Variants in THRB observed in about 807,000 individuals in gnomAD.
THRB encodes the protein nuclear receptor subfamily 1 group A member 2.
Under a neutral mutation model 47.8 loss-of-function variants are expected in THRB, and 12 were observed. The ratio of observed to expected loss-of-function variants is 0.25; its 90% confidence interval spans 0.16 to 0.41. THRB has a LOEUF of 0.41. Ranked by LOEUF, THRB falls within the 10% of genes least tolerant of loss-of-function variation. THRB has a pLI of 1.00. For missense variants in THRB, 348 were observed against 589.2 expected, an observed-to-expected ratio of 0.59 and a Z score of 4.24; for synonymous variants, 218 against 212.2, an observed-to-expected ratio of 1.03 and a Z score of -0.24.
At chr3:24,476,975 G>C (rs1043294984) in intron 1 of THRB, among the ~76,000 whole-genome samples, 2 of 149,624 alleles carry the variant, frequency 1.3e-5, no homozygotes, top group African/African-American at 2.5e-5. Context: ...TATAAAAAGA[G>C]ACATTGGGTA....
chr3:24,126,530 G>A (rs964116560), intron 10 of THRB, among the ~76,000 whole-genome samples: 3 of 152,174 alleles, frequency 2.0e-5, no homozygotes, highest in African/African-American at 7.2e-5. Context: ...ACTGGCCTAG[G>A]TGCTGGATGT....
At chr3:24,492,268 G>A (rs764587079) in intron 1 of THRB, among the ~76,000 whole-genome samples, 4 of 152,174 alleles carry the variant, frequency 2.6e-5, no homozygotes, top group Non-Finnish European at 5.9e-5. Flanking sequence ...TCATGGATTC[G>A]ATATTCTAGG....
chr3:24,315,328 A>G (rs1484646856), intron 2 of THRB, among the ~76,000 whole-genome samples: 1 of 152,162 alleles, frequency 6.6e-6, no homozygotes, highest in African/African-American at 2.4e-5. Flanking sequence ...CTCTACTTCC[A>G]AGTCAGATAG....
At chr3:24,241,883 C>G (rs950394352) in intron 3 of THRB, among the ~76,000 whole-genome samples, 1 of 152,114 alleles carries the variant, frequency 6.6e-6, no homozygotes, top group Admixed American at 6.5e-5. Context: ...AGTGTGAGAA[C>G]TACTGCTTTA....
chr3:24,299,567 T>C (rs2056752493), intron 2 of THRB, among the ~76,000 whole-genome samples: 2 of 152,024 alleles, frequency 1.3e-5, no homozygotes, highest in African/African-American at 4.8e-5. Flanking sequence ...ATCTGATCTC[T>C]GTTTTTCACA....
chr3:24,302,507 C>A (rs943101360), intron 2 of THRB, among the ~76,000 whole-genome samples: 2 of 152,216 alleles, frequency 1.3e-5, no homozygotes, highest in Non-Finnish European at 2.9e-5. Context: ...AACCGTGTCT[C>A]AAGGCCTTTG....
intron 3 of THRB, among the ~76,000 whole-genome samples, chr3:24,287,811 A>G (rs976715853): frequency 1.6e-4 from 24 of 152,200 alleles, no homozygotes; most frequent in Non-Finnish European, 3.1e-4. Flanking sequence ...GATCCAGTTC[A>G]CTTTCTATTG....
At chr3:24,406,990 A>T (rs1166383546) in intron 1 of THRB, among the ~76,000 whole-genome samples, 1 of 151,918 alleles carries the variant, frequency 6.6e-6, no homozygotes, top group Non-Finnish European at 1.5e-5. Context: ...AAGACCAATT[A>T]TGGAGCTTAA....
At chr3:24,329,810 T>G (rs1413923600) in intron 2 of THRB, among the ~76,000 whole-genome samples, 2 of 152,252 alleles carry the variant, frequency 1.3e-5, no homozygotes, top group Non-Finnish European at 2.9e-5. Context: ...CCAGTGATTC[T>G]CAAAGTGTAG....
chr3:24,447,295 T>G (rs1025453079), intron 1 of THRB, among the ~76,000 whole-genome samples: 8 of 152,162 alleles, frequency 5.3e-5, no homozygotes, highest in Non-Finnish European at 1.5e-5. Flanking sequence ...TAAGTATGAT[T>G]GAATATTTTG....
chr3:24,249,519 G>T (rs1215250603), intron 3 of THRB, among the ~76,000 whole-genome samples: 1 of 152,120 alleles, frequency 6.6e-6, no homozygotes, highest in Non-Finnish European at 1.5e-5. Context: ...TTTGGGACTG[G>T]ATCACTCTGG....
intron 1 of THRB, among the ~76,000 whole-genome samples, chr3:24,462,343 T>C (rs547535898): frequency 1.3e-5 from 2 of 152,352 alleles, no homozygotes; most frequent in African/African-American, 4.8e-5. Context: ...GATCTCTATG[T>C]ATCTCTCCAG....
intron 1 of THRB, among the ~76,000 whole-genome samples, chr3:24,428,281 T>C (rs1373000000): frequency 2.0e-5 from 3 of 152,004 alleles, no homozygotes; most frequent in South Asian, 2.1e-4. Flanking sequence ...GCACTGAACA[T>C]TGACACATTG....
At chr3:24,229,130 G>C in intron 3 of THRB, 129 bp from the exon 4 acceptor site, 1 of 642,762 alleles carries the variant, frequency 1.6e-6, no homozygotes, top group Non-Finnish European at 2.8e-6. Context: ...TCAGAACTGG[G>C]GACACCGAAG....
intron 2 of THRB, among the ~76,000 whole-genome samples, chr3:24,315,200 A>C (rs868092879): frequency 6.6e-6 from 1 of 152,064 alleles, no homozygotes; most frequent in African/African-American, 2.4e-5. Flanking sequence ...ATTGCAACAC[A>C]ATCTCCTTCA....
At chr3:24,262,731 A>T (rs548912327) in intron 3 of THRB, among the ~76,000 whole-genome samples, 4 of 152,242 alleles carry the variant, frequency 2.6e-5, no homozygotes, top group African/African-American at 9.6e-5. Flanking sequence ...CTCTCTTCCT[A>T]ATCACTTTTC....
intron 1 of THRB, among the ~76,000 whole-genome samples, chr3:24,454,622 T>C (rs1577690829): frequency 6.6e-6 from 1 of 152,214 alleles, no homozygotes; most frequent in East Asian, 1.9e-4. Context: ...ACTAAGAGTA[T>C]CTACAACTTG....
In THRB at chr3:24,443,926, C is replaced by A. The variant is rs115787773; in HGVS notation, c.-261+50726G>T. Among the ~76,000 whole-genome samples the A allele has an allele frequency of 6.2e-3, 938 of 152,236 alleles. 6 individuals are homozygous for A. The highest frequency in any genetic ancestry group is 0.041 in the Middle Eastern group (12 of 294). On this transcript the variant is annotated intron_variant, in intron 1 of 10. Transcript: ENST00000646209. ...ATAATTTGACTCCAGCTCTGTCTGG[C>A]CATAAATCCCATACTCTGGCTTCCA... is the stretch of plus-strand genomic sequence containing the variant.
At chr3:24,440,103 G>T (rs553880745) in intron 1 of THRB, among the ~76,000 whole-genome samples, 3 of 152,016 alleles carry the variant, frequency 2.0e-5, no homozygotes, top group African/African-American at 4.8e-5. Context: ...ATATATATTC[G>T]CATGTGCTGT....
Sources: allele counts gnomAD v4.1 joint callset (sites outside exome capture counted in the v4.1 genomes callset), GRCh38; gene constraint gnomAD v4.1.1; transcripts MANE v1.5; gene names NCBI Gene and HGNC (gene_info 2026-07-23, HGNC 2026-07-21).